Variants in POC1A observed in about 807,000 individuals in gnomAD.
POC1A encodes POC1 centriolar protein A.
POC1A carries 34 observed loss-of-function variants against 47.8 expected under a neutral mutation model. The ratio of observed to expected loss-of-function variants is 0.71; its 90% CI spans 0.54 to 0.95. The LOEUF is 0.95. Among genes scored for constraint, POC1A ranks in the 40% least tolerant of loss-of-function variants. The probability of loss-of-function intolerance (pLI) is 0.00; values close to 1 mark genes in which losing one functional copy is unlikely to be tolerated. For missense variants in POC1A, 466 were observed against 528.3 expected (o/e 0.88, Z 1.16); for synonymous variants, 177 against 207.6 (o/e 0.85, Z 1.27).
chr3:52,135,162 T>C (rs1704397309), intron 7 of POC1A, among the ~76,000 whole-genome samples: 3 of 152,302 alleles, frequency 2.0e-5, no homozygotes, highest in Middle Eastern at 6.8e-3. Context: ...TCATCAGTAA[T>C]GAACATCCTC....
At chr3:52,138,367 C>T (rs890609550) in intron 6 of POC1A, 65 bp from the exon 7 acceptor site, 35 of 1,543,584 alleles carry the variant, frequency 2.3e-5, no homozygotes, top group South Asian at 3.5e-5. Flanking sequence ...AAGCCCAAGA[C>T]GGGCAATCAG....
At chr3:52,119,014 T>C (rs1468424755) in intron 9 of POC1A, among the ~76,000 whole-genome samples, 1 of 152,026 alleles carries the variant, frequency 6.6e-6, no homozygotes, top group Non-Finnish European at 1.5e-5. Flanking sequence ...GTTTTTTTTT[T>C]TTGGTTGTTT....
At chr3:52,141,402 C>T (rs989073957) in intron 6 of POC1A, among the ~76,000 whole-genome samples, 21 of 152,358 alleles carry the variant, frequency 1.4e-4, no homozygotes, top group African/African-American at 5.0e-4. Context: ...ACAAAAGGAC[C>T]GCTCATTTTC....
At chr3:52,080,113 T>C (rs529696356) in intron 10 of POC1A, among the ~76,000 whole-genome samples, 1 of 152,306 alleles carries the variant, frequency 6.6e-6, no homozygotes, top group East Asian at 1.9e-4. Flanking sequence ...TGGGAGCTTT[T>C]ATCATCCCCA....
chr3:52,151,323 CA>C (rs1698548358), intron 1 of POC1A, among the ~76,000 whole-genome samples: 1 of 151,740 alleles, frequency 6.6e-6, no homozygotes, highest in African/African-American at 2.4e-5. Flanking sequence ...TCAACAAAAA[CA>C]AAAAACAAAT....
At chr3:52,127,753 T>C (rs1485832867) in intron 7 of POC1A, among the ~76,000 whole-genome samples, 1 of 151,344 alleles carries the variant, frequency 6.6e-6, no homozygotes, top group Non-Finnish European at 1.5e-5. Flanking sequence ...TGGAGAGCAA[T>C]GGTACAGTCT....
At chr3:52,105,261 A>C (rs534798107) in intron 9 of POC1A, among the ~76,000 whole-genome samples, 1 of 152,336 alleles carries the variant, frequency 6.6e-6, no homozygotes, top group South Asian at 2.1e-4. Flanking sequence ...CCTGTGCAAA[A>C]CTGGAAGAAA....
chr3:52,152,341 G>A (rs528921966), intron 1 of POC1A, among the ~76,000 whole-genome samples: 15 of 152,236 alleles, frequency 9.9e-5, no homozygotes, highest in Admixed American at 3.3e-4. Flanking sequence ...AGGCCAAGGC[G>A]GGCAGATTAC....
At chr3:52,114,866 G>C (rs1201222507) in intron 9 of POC1A, among the ~76,000 whole-genome samples, 2 of 152,232 alleles carry the variant, frequency 1.3e-5, no homozygotes, top group East Asian at 3.8e-4. Flanking sequence ...CCTTAGAAGA[G>C]GGTCTGCTTT....
At chr3:52,099,660 G>A (rs945431155) in intron 9 of POC1A, among the ~76,000 whole-genome samples, 2 of 152,150 alleles carry the variant, frequency 1.3e-5, no homozygotes, top group Non-Finnish European at 2.9e-5. Context: ...AGACAAGCCT[G>A]GCCAATATGG....
At chr3:52,152,320 A>C (rs1047023030) in intron 1 of POC1A, among the ~76,000 whole-genome samples, 1 of 152,176 alleles carries the variant, frequency 6.6e-6, no homozygotes, top group Admixed American at 6.5e-5. Context: ...CTGTAATCCC[A>C]GCACTTTAGG....
chr3:52,151,658 C>T (rs899287707), intron 1 of POC1A, among the ~76,000 whole-genome samples: 1 of 149,284 alleles, frequency 6.7e-6, no homozygotes, highest in Non-Finnish European at 1.5e-5. Flanking sequence ...AAGTGCAGGA[C>T]TTGTACAGTA....
At position 52,090,019 on chromosome 3, in the gene POC1A, TC is replaced by T. The variant is rs1702593471; in HGVS notation, c.1125+6549del. The stretch of plus-strand genomic sequence containing the variant: ...CTCAAAGCAAATAGGCCATTCTCTA[TC>T]CCCAAAGCAAACAGGCAAAAATCCT... On this transcript the variant is annotated intron_variant, in intron 10 of 10. Coordinates refer to ENST00000296484, the MANE Select transcript of POC1A (RefSeq NM_015426.5). The surrounding 1 kb of genome is among the most constrained non-coding windows in gnomAD (Gnocchi z 4.2). 6.6e-6 allele frequency among the ~76,000 whole-genome samples: 1 copy of T among 152,014 alleles called. No homozygotes were observed. Among genetic ancestry groups the T allele is most frequent in the Non-Finnish European group, 1.5e-5 (1 of 67,998 alleles).
At chr3:52,152,548 C>T (rs893374874) in intron 1 of POC1A, among the ~76,000 whole-genome samples, 3 of 151,502 alleles carry the variant, frequency 2.0e-5, no homozygotes, top group African/African-American at 4.9e-5. Flanking sequence ...CCAGCCTGGA[C>T]GACAGAGTGA....
intron 10 of POC1A, among the ~76,000 whole-genome samples, chr3:52,087,290 C>T (rs1702490962): frequency 6.6e-6 from 1 of 152,136 alleles, no homozygotes; most frequent in African/African-American, 2.4e-5. Flanking sequence ...ATGGAGCTCC[C>T]CTCTCATGCT....
At chr3:52,135,149 C>T (rs1267782796) in intron 7 of POC1A, among the ~76,000 whole-genome samples, 1 of 152,200 alleles carries the variant, frequency 6.6e-6, no homozygotes, top group African/African-American at 2.4e-5. Context: ...TCCAGCCAGG[C>T]CCTCATCAGT....
At chr3:52,088,416 G>A (rs1020315763) in intron 10 of POC1A, among the ~76,000 whole-genome samples, 1 of 152,202 alleles carries the variant, frequency 6.6e-6, no homozygotes, top group Non-Finnish European at 1.5e-5. Flanking sequence ...TGCTTCCTCT[G>A]CTTCCTCAGC....
At chr3:52,121,282 A>G (rs1703770145) in intron 9 of POC1A, among the ~76,000 whole-genome samples, 2 of 152,204 alleles carry the variant, frequency 1.3e-5, no homozygotes. Context: ...GCAGTGTGAA[A>G]TGCCTTTCTG....
chr3:52,102,942 C>G (rs921932147), intron 9 of POC1A, among the ~76,000 whole-genome samples: 2 of 152,146 alleles, frequency 1.3e-5, no homozygotes, highest in Admixed American at 1.3e-4. Context: ...AGGAATCACA[C>G]TACATGATTT....
Sources: allele counts gnomAD v4.1 joint callset (sites outside exome capture counted in the v4.1 genomes callset), GRCh38; gene constraint gnomAD v4.1.1; non-coding constraint Gnocchi (gnomAD v3.1); transcripts MANE v1.5; gene names NCBI Gene and HGNC (gene_info 2026-07-23, HGNC 2026-07-21).